FSCB: variants seen among roughly 807,000 people sequenced by gnomAD.
FSCB encodes fibrous sheath CABYR binding protein, also known as fibrous sheath CABYR-binding protein.
For missense variants in FSCB, 975 were observed against 934.8 expected (o/e 1.04, Z -0.56); for synonymous variants, 331 against 336.6 (o/e 0.98, Z 0.18).
rs1881003248 is a variant in FSCB, at chr14:44,504,221, T to C, written c.*289A>G. ...GAAAAGATGGCTGCAGATTAAACTT[T>C]ACTCGTGTCAACAAGTTTACTGTAG... On this transcript the variant is annotated 3_prime_UTR_variant, in exon 1 of 1. Transcript: ENST00000340446. 4.3e-6 allele frequency: 1 copy of C among 234,598 alleles called. No homozygotes were observed. The highest frequency in any genetic ancestry group is 2.3e-5 in the African/African-American group (1 of 44,296). 14.5% of individuals were successfully genotyped at this position (234,598 alleles called of 1,614,324 possible).
Position 44,507,119 on chromosome 14 carries a change from A to C in FSCB, c.-132T>G. 1.4e-6 allele frequency: 1 copy of C among 718,116 alleles called. No homozygotes were observed. The highest frequency in any genetic ancestry group is 2.3e-5 in the South Asian group (1 of 44,004). 44.5% of individuals were successfully genotyped at this position (718,116 alleles called of 1,614,324 possible). ...ATTAATTTTCAAGTAATGACCAAAA[A>C]TCACAAACGTACCAAGTGTCAAAGA... On this transcript the variant is annotated 5_prime_UTR_variant, in exon 1 of 1. Coordinates refer to ENST00000340446, the MANE Select transcript of FSCB (RefSeq NM_032135.4).
In FSCB at chr14:44,506,991, T is replaced by A. The variant is rs1881110880; in HGVS notation, c.-4A>T. ...TTTGCTGGGATTTGCCTACCATTGG[T>A]TTGCTGGGTCATCTTCTCTTTCGAA... On this transcript the variant is annotated 5_prime_UTR_variant, in exon 1 of 1. Transcript: ENST00000340446. The A allele has an allele frequency of 1.9e-6, 3 of 1,569,152 alleles. No individual in the cohort carries two copies. The East Asian group carries it at 6.8e-5, about 36-fold the overall frequency.
Position 44,505,593 on chromosome 14 carries a change from G to A in FSCB, c.1395C>T (p.Thr465=). The A allele has an allele frequency of 6.2e-7, 1 of 1,613,032 alleles. No homozygotes were observed. Among genetic ancestry groups the A allele is most frequent in the Non-Finnish European group, 8.5e-7 (1 of 1,179,970 alleles). The change falls in exon 1 of 1, where the codon ACC becomes ACT. Residue 465 remains threonine (T), a synonymous_variant. Transcript: ENST00000340446. Reference sequence around the variant, plus strand: ...TTTCAGCAGAGGCCTCTTCTGCAGTGGTCTCTTTAGGTAATGGAGACTGAA... The same window carrying A: ...TTTCAGCAGAGGCCTCTTCTGCAGTAGTCTCTTTAGGTAATGGAGACTGAA... ...TEFQSPLPKE[T]TAEEASAEIQ...
chr14:44,506,784 C>T lies in FSCB; in HGVS notation c.204G>A (p.Met68Ile). Reference sequence around the variant, plus strand: ...TGTCTGTCTGGAGAGACTTACTAGTCATTTCCTGTCCATGCTTTCTCTTTG... The same window carrying T: ...TGTCTGTCTGGAGAGACTTACTAGTTATTTCCTGTCCATGCTTTCTCTTTG... ...TWTKRKHGQE[M>I]TSKSLQTDTI... The change falls in exon 1 of 1, where the codon ATG (methionine) becomes ATA (isoleucine). Residue 68 changes from methionine to isoleucine, a missense_variant. Transcript: ENST00000340446. 1 of 1,614,044 alleles carries T rather than the reference C, an allele frequency of 6.2e-7. No homozygotes were observed. Among genetic ancestry groups the T allele is most frequent in the South Asian group, 1.1e-5 (1 of 91,064 alleles).
In FSCB at chr14:44,504,858, T is replaced by C; in HGVS notation, c.2130A>G (p.Glu710=). The C allele has an allele frequency of 6.2e-7, 1 of 1,614,174 alleles. No individual in the cohort carries two copies. Among genetic ancestry groups the C allele is most frequent in the Non-Finnish European group, 8.5e-7 (1 of 1,180,030 alleles). ...HSPPADDVPA[E]EASVDKHSPP... is the part of the protein sequence containing the mutation. ...GGGAATGTTTGTCAACGGAGGCCTC[T>C]TCTGCAGGGACATCATCAGCTGGGG... Residue 710 remains glutamate, a synonymous_variant, in exon 1 of 1, where the codon GAA becomes GAG. Coordinates refer to ENST00000340446, the MANE Select transcript of FSCB (RefSeq NM_032135.4).
Position 44,506,033 on chromosome 14 carries a change from G to A in FSCB, c.955C>T (p.Pro319Ser). Residue 319 changes from proline (P) to serine (S), a missense_variant, in exon 1 of 1, where the codon CCA (proline) becomes TCA (serine). Transcript: ENST00000340446. Reference sequence around the variant, plus strand: ...ACTAAAGGGGCCTCTTCAGCAGGTGGAGGCTGAACTTTAACAGAATTCTCC... The same window carrying A: ...ACTAAAGGGGCCTCTTCAGCAGGTGAAGGCTGAACTTTAACAGAATTCTCC... ...VAENSVKVQP[P>S]PAEEAPLVEF... is the part of the protein sequence containing the mutation. 1 of 1,614,144 alleles carries A rather than the reference G, an allele frequency of 6.2e-7. No homozygotes were observed. Among genetic ancestry groups the A allele is most frequent in the South Asian group, 1.1e-5 (1 of 91,076 alleles).
Position 44,506,220 on chromosome 14 carries a change from T to C in FSCB, c.768A>G (p.Glu256=). The C allele has an allele frequency of 6.2e-7, 1 of 1,614,196 alleles. No individual in the cohort carries two copies. Among genetic ancestry groups the C allele is most frequent in the Middle Eastern group, 1.6e-4 (1 of 6,062 alleles). Residue 256 remains glutamate (E), a synonymous_variant, in exon 1 of 1, where the codon GAA becomes GAG. Transcript: ENST00000340446. ...ATTTTTCTGTTGATGGAGGCTCTAT[T>C]TCAGCAGAAGCCACTTTTTTAACAG... ...GSAVKKVASA[E]IEPPSTEKFP... is the part of the protein sequence containing the mutation.
chr14:44,504,437 C>T lies in FSCB; in HGVS notation c.*73G>A, dbSNP rs1881010482. 5 of 1,230,732 alleles carry T rather than the reference C, an allele frequency of 4.1e-6. No individual in the cohort carries two copies. The highest frequency in any genetic ancestry group is 5.7e-6 in the Non-Finnish European group (5 of 883,814). 76.2% of individuals were successfully genotyped at this position (1,230,732 alleles called of 1,614,324 possible). The stretch of plus-strand genomic sequence containing the variant: ...GCCTTATTGACAAAGCTACTTCCCG[C>T]TGCCCACCCTTTTCTAAAGTATGTT... On this transcript the variant is annotated 3_prime_UTR_variant, in exon 1 of 1. Transcript: ENST00000340446.
chr14:44,506,821 T>A lies in FSCB; in HGVS notation c.167A>T (p.Gln56Leu). ...YESIRVSSEL[Q>L]QTWTKRKHGQ... ...ATGCTTTCTCTTTGTCCAAGTTTGC[T>A]GAAGCTCAGAAGATACTCTAATAGA... Residue 56 changes from glutamine to leucine, a missense_variant, in exon 1 of 1, where the codon CAG becomes CTG. Transcript: ENST00000340446. The A allele has an allele frequency of 6.2e-7, 1 of 1,614,120 alleles. No homozygotes were observed. Among genetic ancestry groups the A allele is most frequent in the Non-Finnish European group, 8.5e-7 (1 of 1,179,972 alleles).
In FSCB at chr14:44,506,841, A is replaced by G; in HGVS notation, c.147T>C (p.Ile49=). ...GSYSAKAYES[I]RVSSELQQTW... ...TTTGCTGAAGCTCAGAAGATACTCT[A>G]ATAGACTCATAGGCTTTGGCAGAGT... The change falls in exon 1 of 1, where the codon ATT becomes ATC. Residue 49 remains isoleucine, a synonymous_variant. Coordinates refer to ENST00000340446, the MANE Select transcript of FSCB (RefSeq NM_032135.4). 2 of 1,614,088 alleles carry G rather than the reference A, an allele frequency of 1.2e-6. No homozygotes were observed. Among genetic ancestry groups the G allele is most frequent in the Non-Finnish European group, 1.7e-6 (2 of 1,179,940 alleles).
rs753872297 is a variant in FSCB at position 44,506,071 on chromosome 14, G to A, written c.917C>T (p.Ala306Val). Reference sequence around the variant, plus strand: ...AACAGAATTCTCCGCAACTGCAGTGGCTGCCTCAGCATCAGGAGTCTCTTC... The same window carrying A: ...AACAGAATTCTCCGCAACTGCAGTGACTGCCTCAGCATCAGGAGTCTCTTC... ...STEETPDAEA[A>V]TAVAENSVKV... The change falls in exon 1 of 1, where the codon GCC (alanine) becomes GTC (valine). Residue 306 changes from alanine (A) to valine (V), a missense_variant. Ala to Val is a moderately conservative substitution (Grantham distance 64). Coordinates refer to ENST00000340446, the MANE Select transcript of FSCB (RefSeq NM_032135.4). 122 of 1,614,010 alleles carry A rather than the reference G, an allele frequency of 7.6e-5. No homozygotes were observed. The highest frequency in any genetic ancestry group is 1.7e-5 in the Admixed American group (1 of 60,006).
In FSCB at chr14:44,504,889, T is replaced by G. The variant is rs758300152; in HGVS notation, c.2099A>C (p.His700Pro). The change falls in exon 1 of 1, where the codon CAC (histidine) becomes CCC (proline). Residue 700 changes from histidine (H) to proline (P), a missense_variant. By Grantham distance (77) the His-to-Pro change is moderately conservative. Transcript: ENST00000340446. ...TPIEETLAAV[H>P]SPPADDVPAE... Reference sequence around the variant, plus strand: ...AGGGACATCATCAGCTGGGGGAGAGTGTACTGCAGCAAGGGTCTCTTCTAT... The same window carrying G: ...AGGGACATCATCAGCTGGGGGAGAGGGTACTGCAGCAAGGGTCTCTTCTAT... 6.2e-7 allele frequency: 1 copy of G among 1,613,694 alleles called. No individual in the cohort carries two copies. The highest frequency in any genetic ancestry group is 8.5e-7 in the Non-Finnish European group (1 of 1,179,932).
rs758200004 is a variant in FSCB, at chr14:44,504,947, C to T, written c.2041G>A (p.Glu681Lys). 4.4e-6 allele frequency: 7 copies of T among 1,608,952 alleles called. No homozygotes were observed. The South Asian group carries it at 4.4e-5, about 10-fold the overall frequency. ...QPPPAEEAPA[E>K]VQSLPAEETP... ...TCCTCAGCTGGTAGAGACTGAACTTCAGCAGGGGCCTCCTCAGCTGGTGGA... is the reference window on the plus strand; with the variant it reads ...TCCTCAGCTGGTAGAGACTGAACTTTAGCAGGGGCCTCCTCAGCTGGTGGA... The change falls in exon 1 of 1, where the codon GAA (glutamate) becomes AAA (lysine). Residue 681 changes from glutamate to lysine, a missense_variant. Coordinates refer to ENST00000340446, the MANE Select transcript of FSCB (RefSeq NM_032135.4).
chr14:44,504,698 G>A, the FSCB span: 8 of 1,614,052 alleles, frequency 5.0e-6, no homozygotes, highest in Non-Finnish European at 6.8e-6. Context: ...CCTGCCACCT[G>A]CGGTGACTGA....
At position 44,504,324 on chromosome 14, in the gene FSCB, G is replaced by T; in HGVS notation, c.*186C>A. 1 of 437,780 alleles carries T rather than the reference G, an allele frequency of 2.3e-6. No individual in the cohort carries two copies. The highest frequency in any genetic ancestry group is 4.1e-6 in the Non-Finnish European group (1 of 246,722). The allele number at this position is 437,780 out of a possible 1,614,324, so 27.1% of individuals were successfully genotyped here. On this transcript the variant is annotated 3_prime_UTR_variant, in exon 1 of 1. Transcript: ENST00000340446. ...TATTTTTCATGCCATAAATTTGAATGAAATTAACACAAGTAATTTTATGCT... is the reference window on the plus strand; with the variant it reads ...TATTTTTCATGCCATAAATTTGAATTAAATTAACACAAGTAATTTTATGCT...
chr14:44,505,826 A>C lies in FSCB; in HGVS notation c.1162T>G (p.Ser388Ala), dbSNP rs1317712871. The C allele has an allele frequency of 1.2e-6, 2 of 1,614,006 alleles. No individual in the cohort carries two copies. The highest frequency in any genetic ancestry group is 2.2e-5 in the South Asian group (2 of 91,066). Residue 388 changes from serine to alanine, a missense_variant, in exon 1 of 1, where the codon TCA becomes GCA. By Grantham distance (99) the Ser-to-Ala change is moderately conservative. Coordinates refer to ENST00000340446, the MANE Select transcript of FSCB (RefSeq NM_032135.4). ...ACTTCAATGGGAGCCTTTTGTGCTG[A>C]GGGAGACCGAATTTCACCAAGAAGC... Reference protein sequence around the residue: ...VELLGEIRSPSAQKAPIEVQP... With the variant: ...VELLGEIRSPAAQKAPIEVQP...
chr14:44,505,329 T>C lies in FSCB; in HGVS notation c.1659A>G (p.Glu553=). 6.2e-7 allele frequency: 1 copy of C among 1,613,260 alleles called. No homozygotes were observed. Among genetic ancestry groups the C allele is most frequent in the East Asian group, 2.2e-5 (1 of 44,858 alleles). The change falls in exon 1 of 1, where the codon GAA becomes GAG. Residue 553 remains glutamate (E), a synonymous_variant. Coordinates refer to ENST00000340446, the MANE Select transcript of FSCB (RefSeq NM_032135.4). ...GAGACTGAACTTCAGCAGGAGCCTC[T>C]TCTGCAGAAGTCTCCTCAGATAGTG... ...QSPLSEETSA[E]EAPAEVQSPS...
rs1881106462 is a variant in FSCB, at chr14:44,506,896, A to G, written c.92T>C (p.Ile31Thr). The G allele has an allele frequency of 6.8e-6, 11 of 1,612,864 alleles. No individual in the cohort carries two copies. Among genetic ancestry groups the G allele is most frequent in the South Asian group, 1.1e-5 (1 of 90,972 alleles). Residue 31 changes from isoleucine (I) to threonine (T), a missense_variant, in exon 1 of 1, where the codon ATT (isoleucine) becomes ACT (threonine). Transcript: ENST00000340446. ...GCCTTTGCTTCCAGAAGTATTACCA[A>G]TACGATGGGTAGCTTTGGGGCTAGA... ...KSSSPKATHR[I>T]GNTSGSKGSY... is the part of the protein sequence containing the mutation.
chr14:44,506,673 A>G lies in FSCB; in HGVS notation c.315T>C (p.Ala105=), dbSNP rs1381033741. 1 of 1,614,176 alleles carries G rather than the reference A, an allele frequency of 6.2e-7. No individual in the cohort carries two copies. Among genetic ancestry groups the G allele is most frequent in the Non-Finnish European group, 8.5e-7 (1 of 1,180,028 alleles). The change falls in exon 1 of 1, where the codon GCT becomes GCC. Residue 105 remains alanine, a synonymous_variant. Coordinates refer to ENST00000340446, the MANE Select transcript of FSCB (RefSeq NM_032135.4). The part of the protein sequence containing the change: ...EEKSADVREA[A]IELPESVQDV... ...CCTGAACACTCTCTGGCAATTCAATAGCAGCTTCTCTAACATCAGCTGACT... is the reference window on the plus strand; with the variant it reads ...CCTGAACACTCTCTGGCAATTCAATGGCAGCTTCTCTAACATCAGCTGACT...
Sources: allele counts gnomAD v4.1 joint callset, GRCh38; gene constraint gnomAD v4.1.1; transcripts MANE v1.5; gene names NCBI Gene and HGNC (gene_info 2026-07-23, HGNC 2026-07-21).